Variants in SYT9 observed in about 807,000 individuals in gnomAD.
SYT9 encodes synaptotagmin 9.
SYT9 carries 22 observed loss-of-function variants against 48.4 expected under a neutral mutation model. That is an observed-to-expected ratio of 0.45 (90% CI 0.32 to 0.65). SYT9 has a LOEUF of 0.65. Ranked by LOEUF, SYT9 falls within the 30% of genes least tolerant of loss-of-function variation. The pLI is 0.03. For synonymous variants in SYT9, 265 were observed against 245.0 expected, an observed-to-expected ratio of 1.08 and a Z score of -0.76; for missense variants, 577 against 622.0, an observed-to-expected ratio of 0.93 and a Z score of 0.77.
chr11:7,266,497 C>T (rs971869921), intron 1 of SYT9, among the ~76,000 whole-genome samples: 4 of 152,102 alleles, frequency 2.6e-5, no homozygotes, highest in African/African-American at 9.7e-5. Context: ...CTGTAGGCTG[C>T]TCTGGGGGAA....
chr11:7,396,222 A>G (rs974306890), intron 3 of SYT9, among the ~76,000 whole-genome samples: 3 of 152,068 alleles, frequency 2.0e-5, no homozygotes, highest in African/African-American at 4.8e-5. Context: ...TCTGCAATCA[A>G]TCTTTTCCTC....
chr11:7,411,920 T>C (rs960128955), intron 3 of SYT9, among the ~76,000 whole-genome samples: 1 of 152,208 alleles, frequency 6.6e-6, no homozygotes, highest in African/African-American at 2.4e-5. Context: ...TTTATTTTTG[T>C]CTGACTGGAT....
chr11:7,415,431 G>A (rs1002831328), intron 3 of SYT9, among the ~76,000 whole-genome samples: 12 of 152,256 alleles, frequency 7.9e-5, no homozygotes, highest in East Asian at 3.9e-4. Context: ...TGGGGATCGC[G>A]TGTGGGAGAT....
At chr11:7,261,326 T>C (rs1044345326) in intron 1 of SYT9, among the ~76,000 whole-genome samples, 1 of 152,150 alleles carries the variant, frequency 6.6e-6, no homozygotes, top group Non-Finnish European at 1.5e-5. Context: ...TAATTAGGTA[T>C]TCTGGAGACA....
intron 6 of SYT9, among the ~76,000 whole-genome samples, chr11:7,444,035 T>G (rs764973950): frequency 8.5e-5 from 13 of 152,182 alleles, no homozygotes; most frequent in African/African-American, 1.4e-4. Flanking sequence ...AGACTCTGAG[T>G]TGTAGTGAGA....
In SYT9 at chr11:7,252,598, C is replaced by T. The variant is rs993134810; in HGVS notation, c.145+267C>T. ...ACGCCCGCCACCTGCGCTCCCATCG[C>T]CAAGGCTCCTGGGGGCGGCTCCCTA... On this transcript the variant is annotated intron_variant, in intron 1 of 6. Coordinates refer to ENST00000318881, the MANE Select transcript of SYT9 (RefSeq NM_175733.4). The surrounding 1 kb of genome is among the most constrained non-coding windows in gnomAD (Gnocchi z 6.3). Among the ~76,000 whole-genome samples, 1 of 152,216 alleles carries T rather than the reference C, an allele frequency of 6.6e-6. No individual in the cohort carries two copies. The highest frequency in any genetic ancestry group is 2.1e-4 in the South Asian group (1 of 4,836).
intron 3 of SYT9, among the ~76,000 whole-genome samples, chr11:7,367,005 T>C (rs920055316): frequency 6.6e-6 from 1 of 151,426 alleles, no homozygotes; most frequent in African/African-American, 2.4e-5. Flanking sequence ...CATGCTCTGG[T>C]GTATACGAAG....
At chr11:7,440,335 C>G (rs1396254864) in intron 6 of SYT9, 1 of 152,162 alleles carries the variant, frequency 6.6e-6, no homozygotes, top group Non-Finnish European at 1.5e-5. Context: ...GAGGAAGTCA[C>G]CCTTACAAGA....
rs181614158 is a variant in SYT9 at position 7,418,836 on chromosome 11, T to C, written c.1337+708T>C. 5.3e-5 allele frequency among the ~76,000 whole-genome samples: 8 copies of C among 152,356 alleles called. No homozygotes were observed. The East Asian group carries it at 1.5e-3, about 29-fold the overall frequency. ...GGAAGTACCAACAGGGAATTATACA[T>C]GTTAAACCAGTCATTAGACTAAAAT... On this transcript the variant is annotated intron_variant, in intron 5 of 6. Transcript: ENST00000318881.
chr11:7,293,916 G>A (rs1202691699), intron 1 of SYT9, among the ~76,000 whole-genome samples: 1 of 152,162 alleles, frequency 6.6e-6, no homozygotes, highest in Non-Finnish European at 1.5e-5. Context: ...TATAAGAGAA[G>A]TAGTAATAAG....
chr11:7,289,975 T>C (rs918362748), intron 1 of SYT9, among the ~76,000 whole-genome samples: 1 of 152,236 alleles, frequency 6.6e-6, no homozygotes, highest in African/African-American at 2.4e-5. Context: ...CACAATAGCT[T>C]ATGCTTTTAA....
In SYT9 at chr11:7,302,480, G is replaced by A. The variant is rs112107950; in HGVS notation, c.146-559G>A. Among the ~76,000 whole-genome samples, 588 of 152,290 alleles carry A rather than the reference G, an allele frequency of 3.9e-3. 7 individuals are homozygous for A. Among genetic ancestry groups the A allele is most frequent in the African/African-American group, 0.014 (576 of 41,558 alleles). Reference sequence around the variant, plus strand: ...GAGGACTTATCACTGAGTGGGGGTTGTTCTTGAAGCTGCAAAATTCACAGA... The same window carrying A: ...GAGGACTTATCACTGAGTGGGGGTTATTCTTGAAGCTGCAAAATTCACAGA... On this transcript the variant is annotated intron_variant, in intron 1 of 6. Coordinates refer to ENST00000318881, the MANE Select transcript of SYT9 (RefSeq NM_175733.4).
intron 6 of SYT9, among the ~76,000 whole-genome samples, chr11:7,442,501 A>G (rs1239075033): frequency 6.6e-6 from 1 of 152,142 alleles, no homozygotes; most frequent in African/African-American, 2.4e-5. Context: ...ACTCTAGACT[A>G]TCTTGCTGGG....
At chr11:7,275,997 A>G (rs969971538) in intron 1 of SYT9, among the ~76,000 whole-genome samples, 4 of 152,132 alleles carry the variant, frequency 2.6e-5, no homozygotes, top group Non-Finnish European at 4.4e-5. Context: ...TGTAAGCTCT[A>G]TTTATCTGTC....
chr11:7,397,839 C>T lies in SYT9; in HGVS notation c.1045-18203C>T, dbSNP rs1846786916. 2.6e-5 allele frequency among the ~76,000 whole-genome samples: 4 copies of T among 152,150 alleles called. No individual in the cohort carries two copies. The South Asian group carries it at 8.3e-4, about 32-fold the overall frequency. On this transcript the variant is annotated intron_variant, in intron 3 of 6. Transcript: ENST00000318881. Reference sequence around the variant, plus strand: ...AAAAATCATATTGCTTTTGTACTGGCTTTGTTGACTTTGCTAAACTTATTT... The same window carrying T: ...AAAAATCATATTGCTTTTGTACTGGTTTTGTTGACTTTGCTAAACTTATTT...
At chr11:7,275,032 C>A (rs556617629) in intron 1 of SYT9, among the ~76,000 whole-genome samples, 80 of 151,956 alleles carry the variant, frequency 5.3e-4, no homozygotes, top group African/African-American at 1.8e-3. Flanking sequence ...TATCTCCATC[C>A]TGGCCTTGTA....
chr11:7,458,645 C>G (rs1848192606), intron 6 of SYT9, among the ~76,000 whole-genome samples: 1 of 152,124 alleles, frequency 6.6e-6, no homozygotes, highest in Admixed American at 6.5e-5. Flanking sequence ...GGTGAGGGAG[C>G]AAGCCCTGTG....
rs145620888 is a variant in SYT9 at position 7,240,439 on chromosome 11, A to G, written c.49+1523A>G. On this transcript the variant is annotated intron_variant and NMD_transcript_variant, in intron 1 of 8. Transcript: ENST00000524820. ...AACAAAAAACTCCAATCCTTTATAA[A>G]ACCTGTCTACTGTTTTTTTCTTGAA... 2.5e-3 allele frequency among the ~76,000 whole-genome samples: 384 copies of G among 152,312 alleles called. 1 individual carries two copies. Among genetic ancestry groups the G allele is most frequent in the African/African-American group, 8.8e-3 (365 of 41,574 alleles).
intron 3 of SYT9, among the ~76,000 whole-genome samples, chr11:7,378,120 A>AAC (rs1419946060): frequency 6.9e-6 from 1 of 144,398 alleles, no homozygotes; most frequent in Non-Finnish European, 1.6e-5. Flanking sequence ...CAAAGATACA[A>AAC]AAAAAAAAAA....
Sources: gnomAD v4.1 joint callset for allele counts (sites outside exome capture counted in the v4.1 genomes callset) on GRCh38, gnomAD v4.1.1 for gene constraint, Gnocchi (gnomAD v3.1) non-coding constraint, MANE v1.5 for transcripts, NCBI Gene and HGNC (gene_info 2026-07-23, HGNC 2026-07-21) for gene names.